FBXO10: variants seen among roughly 807,000 people sequenced by gnomAD.
FBXO10 encodes F-box protein 10, also known as F-box only protein 10.
Under a neutral mutation model 80.7 loss-of-function variants are expected in FBXO10, and 39 were observed. The ratio of observed to expected loss-of-function variants is 0.48; its 90% CI spans 0.37 to 0.63. The LOEUF (loss-of-function observed/expected upper bound fraction) is 0.63, where lower values mean the gene tolerates loss of function less well. Ranked by LOEUF, FBXO10 falls within the 30% of genes least tolerant of loss-of-function variation. The pLI is 0.00. For synonymous variants in FBXO10, 449 were observed against 489.6 expected (o/e 0.92, Z 1.09); for missense variants, 1,025 against 1,269.0 (o/e 0.81, Z 2.92).
chr9:37,516,175 A>G, intron 9 of FBXO10, 90 bp from the exon 10 acceptor site: 1 of 1,403,260 alleles, frequency 7.1e-7, no homozygotes, highest in Non-Finnish European at 9.6e-7. Flanking sequence ...TCTAAAACCA[A>G]GAGGCAGGAA....
intron 6 of FBXO10, among the ~76,000 whole-genome samples, chr9:37,524,289 A>G (rs1821415007): frequency 6.6e-6 from 1 of 152,166 alleles, no homozygotes; most frequent in Non-Finnish European, 1.5e-5. Context: ...TTATCCATAG[A>G]GCACTTGTCA....
intron 1 of FBXO10, among the ~76,000 whole-genome samples, chr9:37,556,593 G>C (rs1822342772): frequency 7.3e-6 from 1 of 137,484 alleles, no homozygotes; most frequent in Admixed American, 7.9e-5. Flanking sequence ...GCCCAGTCTG[G>C]AGTGCAGTGG....
At chr9:37,565,112 A>G (rs963168659) in intron 1 of FBXO10, among the ~76,000 whole-genome samples, 6 of 152,120 alleles carry the variant, frequency 3.9e-5, no homozygotes, top group South Asian at 2.1e-4. Flanking sequence ...TGATGCTTTT[A>G]TAAGTCTCTG....
At chr9:37,516,221 AAAG>A in intron 9 of FBXO10, 136 bp from the exon 10 acceptor site, 1 of 932,256 alleles carries the variant, frequency 1.1e-6, no homozygotes, top group Non-Finnish European at 1.5e-6. Context: ...CTATGAGCTC[AAAG>A]AAGGGCACCA....
chr9:37,564,308 C>A (rs992190048), intron 1 of FBXO10, among the ~76,000 whole-genome samples: 5 of 152,222 alleles, frequency 3.3e-5, no homozygotes, highest in African/African-American at 1.2e-4. Context: ...AGGGGTGGAG[C>A]CCTCATGGAG....
At chr9:37,574,402 A>T (rs1822842541) in intron 1 of FBXO10, among the ~76,000 whole-genome samples, 1 of 151,898 alleles carries the variant, frequency 6.6e-6, no homozygotes, top group African/African-American at 2.4e-5. Flanking sequence ...TACTTGTGCG[A>T]TCATAAAAAT....
intron 1 of FBXO10, among the ~76,000 whole-genome samples, chr9:37,559,042 C>G (rs997242823): frequency 1.3e-5 from 2 of 152,164 alleles, no homozygotes; most frequent in Non-Finnish European, 2.9e-5. Context: ...CTCCTGACCT[C>G]AGGTGATCCG....
At chr9:37,527,519 C>T (rs1309041278) in intron 5 of FBXO10, among the ~76,000 whole-genome samples, 4 of 152,196 alleles carry the variant, frequency 2.6e-5, no homozygotes, top group African/African-American at 9.7e-5. Flanking sequence ...TTTCCCTGGC[C>T]ATAAAATCCT....
Position 37,562,835 on chromosome 9 carries a change from G to A in FBXO10, c.-7+13376C>T, listed in dbSNP as rs1418030577. On this transcript the variant is annotated intron_variant, in intron 1 of 10. Transcript: ENST00000432825. ...GTGGTTAGCACCTTGTGAGTCAGTG[G>A]GAATCAGATAAAGACCCTGCTCTCA... is the stretch of plus-strand genomic sequence containing the variant. 3.3e-5 allele frequency among the ~76,000 whole-genome samples: 5 copies of A among 152,262 alleles called. No individual in the cohort carries two copies. In the East Asian group the frequency reaches 9.6e-4, roughly 29 times the overall value.
chr9:37,570,728 C>T (rs1822729424), intron 1 of FBXO10, among the ~76,000 whole-genome samples: 2 of 152,218 alleles, frequency 1.3e-5, no homozygotes, highest in South Asian at 4.1e-4. Context: ...GGTGCGGTGG[C>T]TCACGCCTGT....
chr9:37,517,475 G>A (rs536858759), intron 9 of FBXO10, among the ~76,000 whole-genome samples: 4 of 127,010 alleles, frequency 3.1e-5, no homozygotes, highest in South Asian at 2.7e-4. Flanking sequence ...AGCTCAGTCC[G>A]GTGGGGAGAC....
chr9:37,556,510 A>G (rs2119167235), intron 1 of FBXO10, among the ~76,000 whole-genome samples: 1 of 147,376 alleles, frequency 6.8e-6, no homozygotes, highest in African/African-American at 2.5e-5. Flanking sequence ...ATGATAAATC[A>G]GTTGAGGATA....
chr9:37,546,640 G>T lies in FBXO10; in HGVS notation c.-6-4866C>A, dbSNP rs1235780766. On this transcript the variant is annotated intron_variant, in intron 1 of 10. Transcript: ENST00000432825. The stretch of plus-strand genomic sequence containing the variant: ...TTAATAAGAGGGGAGAAGACATAGT[G>T]AAACACAAAACAAAGTTGGCAAAAG... Among the ~76,000 whole-genome samples, 7 of 151,922 alleles carry T rather than the reference G, an allele frequency of 4.6e-5. No homozygotes were observed. The East Asian group carries it at 7.7e-4, about 17-fold the overall frequency.
chr9:37,569,213 CT>C (rs1252726223), intron 1 of FBXO10, among the ~76,000 whole-genome samples: 7 of 150,948 alleles, frequency 4.6e-5, no homozygotes, highest in Non-Finnish European at 1.0e-4. Flanking sequence ...AAAAAAATAC[CT>C]TGTGTAGATT....
chr9:37,574,940 A>C, intron 1 of FBXO10, among the ~76,000 whole-genome samples: 1 of 152,146 alleles, frequency 6.6e-6, no homozygotes, highest in African/African-American at 2.4e-5. Flanking sequence ...ATGAGATTAG[A>C]ACTGAGGGAA....
intron 1 of FBXO10, among the ~76,000 whole-genome samples, chr9:37,547,850 C>T (rs990065236): frequency 5.9e-5 from 9 of 151,742 alleles, no homozygotes; most frequent in South Asian, 2.1e-4. Context: ...CCAAGCTACT[C>T]GGGAGGCTGA....
intron 3 of FBXO10, among the ~76,000 whole-genome samples, chr9:37,533,285 T>C (rs1369632729): frequency 2.0e-5 from 3 of 152,088 alleles, no homozygotes; most frequent in East Asian, 3.9e-4. Flanking sequence ...GTGGCTCACG[T>C]CTGTAATCTC....
chr9:37,518,091 G>T, intron 9 of FBXO10, 34 bp downstream of exon 9: 1 of 1,577,608 alleles, frequency 6.3e-7, no homozygotes, highest in Non-Finnish European at 8.6e-7. Context: ...CCCTGTGTGG[G>T]CACCACACGT....
intron 8 of FBXO10, among the ~76,000 whole-genome samples, chr9:37,521,216 G>C (rs867780116): frequency 2.6e-5 from 4 of 152,216 alleles, no homozygotes; most frequent in Admixed American, 6.5e-5. Flanking sequence ...GGCCCTGCCT[G>C]GCGGCCGCAC....
Sources: allele counts gnomAD v4.1 joint callset (sites outside exome capture counted in the v4.1 genomes callset), GRCh38; gene constraint gnomAD v4.1.1; transcripts MANE v1.5; gene names NCBI Gene and HGNC (gene_info 2026-07-23, HGNC 2026-07-21).